HEATR4: variants seen among roughly 807,000 people sequenced by gnomAD.
HEATR4 encodes the protein HEAT repeat containing 4, also known as HEAT repeat-containing protein 4.
HEATR4 carries 95 observed loss-of-function variants against 108.8 expected under a neutral mutation model. That is an observed-to-expected ratio of 0.87 (90% CI 0.74 to 1.04). The LOEUF (loss-of-function observed/expected upper bound fraction) is 1.04. Ranked by LOEUF, HEATR4 falls within the 50% of genes least tolerant of loss-of-function variation. The pLI, the probability that HEATR4 is intolerant of heterozygous loss-of-function variation, is 0.00. For synonymous variants in HEATR4, 443 were observed against 459.4 expected (o/e 0.96, Z 0.46); for missense variants, 1,152 against 1,253.8 (o/e 0.92, Z 1.23).
At chr14:73,481,613 G>A (rs1174037341) in intron 17 of HEATR4, among the ~76,000 whole-genome samples, 3 of 151,798 alleles carry the variant, frequency 2.0e-5, no homozygotes, top group Non-Finnish European at 2.9e-5. Flanking sequence ...AGGCCGACGC[G>A]GGCGGATCAC....
At chr14:73,614,725 C>T in the HEATR4 span, among the ~76,000 whole-genome samples, 20 of 136,246 alleles carry the variant, frequency 1.5e-4, no homozygotes, top group African/African-American at 2.8e-4. Context: ...TCAGCCTGGG[C>T]GACAGAGCGA....
At chr14:73,580,029 C>T in the HEATR4 span, among the ~76,000 whole-genome samples, 7 of 151,788 alleles carry the variant, frequency 4.6e-5, no homozygotes, top group Admixed American at 6.6e-5. Context: ...ACCTGGGAGT[C>T]GGAGGTTGCA....
intron 1 of HEATR4, among the ~76,000 whole-genome samples, chr14:73,536,078 T>G (rs1888854826): frequency 8.6e-6 from 1 of 115,824 alleles, no homozygotes; most frequent in Non-Finnish European, 1.9e-5. Context: ...CAAAGGTAAT[T>G]ACAACTAACA....
chr14:73,622,160 G>C, the HEATR4 span, among the ~76,000 whole-genome samples: 1 of 152,068 alleles, frequency 6.6e-6, no homozygotes, highest in African/African-American at 2.4e-5. Flanking sequence ...TGGGGTGGGA[G>C]ATCACAGGAG....
Position 73,485,484 on chromosome 14 carries a change from C to A in HEATR4, c.2845-6642G>T, listed in dbSNP as rs749453552. 4.6e-4 allele frequency among the ~76,000 whole-genome samples: 69 copies of A among 150,892 alleles called. 1 individual carries two copies. Among genetic ancestry groups the A allele is most frequent in the Non-Finnish European group, 6.8e-4 (46 of 67,912 alleles). On this transcript the variant is annotated intron_variant, in intron 17 of 17. Coordinates refer to ENST00000553558, the MANE Select transcript of HEATR4 (RefSeq NM_001220484.1). ...GTGGCGCCATCTCAGCTCACTGCAA[C>A]CTCTGCATCCCAGGCTCAAGCCATC...
chr14:73,574,079 C>G, the HEATR4 span, among the ~76,000 whole-genome samples: 2 of 151,214 alleles, frequency 1.3e-5, no homozygotes, highest in Non-Finnish European at 3.0e-5. Flanking sequence ...CCATGTTGGC[C>G]AGGCTGGTCT....
the HEATR4 span, among the ~76,000 whole-genome samples, chr14:73,626,293 CATA>C: frequency 6.6e-6 from 1 of 152,216 alleles, no homozygotes; most frequent in Admixed American, 6.5e-5. Flanking sequence ...AAAAAAATCT[CATA>C]ATGTTTTAAA....
rs1566832333 is a variant in HEATR4 at position 73,509,862 on chromosome 14, ATATATATT to A, written c.1559-397_1559-390del. On this transcript the variant is annotated intron_variant, in intron 7 of 17. Transcript: ENST00000553558. ...TATATATATATATATATATATATATATATATATTTATTTATTTTATATATTTTTTGAGA... is the reference window on the plus strand; with the variant it reads ...TATATATATATATATATATATATATATATTTATTTTATATATTTTTTGAGA... Among the ~76,000 whole-genome samples the A allele has an allele frequency of 1.5e-3, 94 of 63,180 alleles. 6 individuals are homozygous for A. Among genetic ancestry groups the A allele is most frequent in the Non-Finnish European group, 1.8e-3 (57 of 31,338 alleles). The allele number at this position is 63,180 out of a possible 152,430, so 41.4% of individuals were successfully genotyped here.
rs1433056710 is a variant in HEATR4 at position 73,523,242 on chromosome 14, G to T, written c.-72-18C>A. On this transcript the variant is annotated intron_variant, in intron 2 of 17. Coordinates refer to ENST00000553558, the MANE Select transcript of HEATR4 (RefSeq NM_001220484.1). ...CCTGGCACCTGTTAAGGGAATGGGA[G>T]GAACTGATGAGAACTCTAGAGCAGC... 3 of 1,305,982 alleles carry T rather than the reference G, an allele frequency of 2.3e-6. No individual in the cohort carries two copies. The African/African-American group carries it at 4.4e-5, about 19-fold the overall frequency. The allele number at this position is 1,305,982 out of a possible 1,614,324, so 80.9% of individuals were successfully genotyped here.
At chr14:73,539,796 C>G (rs1889016593) in intron 1 of HEATR4, 1 of 116,722 alleles carries the variant, frequency 8.6e-6, no homozygotes, top group Non-Finnish European at 1.9e-5. Flanking sequence ...TGCCGGGGCA[C>G]TGGGGTTTCT....
the HEATR4 span, chr14:73,570,033 A>C: frequency 7.7e-7 from 1 of 1,299,390 alleles, no homozygotes; most frequent in Non-Finnish European, 1.0e-6. Flanking sequence ...GTCTCCAGCT[A>C]TCTTCCCGCC....
chr14:73,523,339 G>A, intron 2 of HEATR4, 115 bp from the exon 3 acceptor site: 1 of 575,940 alleles, frequency 1.7e-6, no homozygotes, highest in Non-Finnish European at 3.0e-6. Context: ...GTGGGGAAGA[G>A]CCATGTGAGT....
At chr14:73,563,465 C>T (rs577864261), upstream of HEATR4, among the ~76,000 whole-genome samples, 21 of 151,848 alleles carry the variant, frequency 1.4e-4, no homozygotes, top group Admixed American at 1.1e-3. Flanking sequence ...TGTGGTGGTG[C>T]GTGCCTGTAG....
chr14:73,579,573 C>CAAAAAA, the HEATR4 span, among the ~76,000 whole-genome samples: 1 of 56,210 alleles, frequency 1.8e-5, no homozygotes, highest in Non-Finnish European at 3.2e-5. Flanking sequence ...AAAGCCGTCT[C>CAAAAAA]AAAAAAAAAA....
the HEATR4 span, chr14:73,619,231 CAGGTGAA>C: frequency 6.5e-7 from 1 of 1,544,236 alleles, no homozygotes; most frequent in Non-Finnish European, 8.7e-7. Context: ...TTTTCCTCAA[CAGGTGAA>C]AGGTCCTAGT....
At chr14:73,589,260 T>C in the HEATR4 span, among the ~76,000 whole-genome samples, 1 of 152,206 alleles carries the variant, frequency 6.6e-6, no homozygotes, top group Non-Finnish European at 1.5e-5. Context: ...CCCTGGCAAC[T>C]ACTGATCTTT....
chr14:73,587,053 T>C, the HEATR4 span, among the ~76,000 whole-genome samples: 1 of 151,946 alleles, frequency 6.6e-6, no homozygotes, highest in Non-Finnish European at 1.5e-5. Context: ...CTTAGTTTTA[T>C]GGGGATATTA....
rs754013856 is a variant in HEATR4 at position 73,492,848 on chromosome 14, C to T, written c.2844+218G>A. 59 of 1,613,768 alleles carry T rather than the reference C, an allele frequency of 3.7e-5. No individual in the cohort carries two copies. The highest frequency in any genetic ancestry group is 5.0e-5 in the Non-Finnish European group (59 of 1,179,868). ...TCCAGAGTTTGTGAGAGTGGGGGAC[C>T]TGCCCTGTGACAGTGTGGAGGACCA... On this transcript the variant is annotated intron_variant, in intron 17 of 17. Coordinates refer to ENST00000553558, the MANE Select transcript of HEATR4 (RefSeq NM_001220484.1). The surrounding 1 kb of genome is among the most constrained non-coding windows in gnomAD (Gnocchi z 4.9).
chr14:73,601,048 G>A, the HEATR4 span, among the ~76,000 whole-genome samples: 3 of 152,026 alleles, frequency 2.0e-5, no homozygotes, highest in South Asian at 6.2e-4. Flanking sequence ...GGCTGAGGCA[G>A]GAGAATTGCT....
Sources: allele counts gnomAD v4.1 joint callset (sites outside exome capture counted in the v4.1 genomes callset), GRCh38; gene constraint gnomAD v4.1.1; non-coding constraint Gnocchi (gnomAD v3.1); transcripts MANE v1.5; gene names NCBI Gene and HGNC (gene_info 2026-07-23, HGNC 2026-07-21).